Variants in TRIB2 observed in about 807,000 individuals in gnomAD.
TRIB2 encodes tribbles homolog 2.
A neutral mutation model predicts 26.8 loss-of-function variants in TRIB2; 2 were observed. The observed-to-expected ratio is 0.07, with a 90% CI of 0.03 to 0.24. The LOEUF is 0.24. TRIB2 is among the 10% of genes least tolerant of loss of function. The pLI is 1.00. For missense variants in TRIB2, 306 were observed against 449.0 expected, an observed-to-expected ratio of 0.68 and a Z score of 2.88; for synonymous variants, 189 against 187.3, an observed-to-expected ratio of 1.01 and a Z score of -0.08.
chr2:12,734,551 G>GC (rs1205166781), intron 2 of TRIB2, among the ~76,000 whole-genome samples: 1 of 152,072 alleles, frequency 6.6e-6, no homozygotes, highest in Non-Finnish European at 1.5e-5. Flanking sequence ...AGGTGCAAAG[G>GC]TTCATTCTTA....
intron 2 of TRIB2, among the ~76,000 whole-genome samples, chr2:12,739,765 G>A (rs1206720595): frequency 2.0e-5 from 3 of 152,182 alleles, no homozygotes; most frequent in African/African-American, 7.2e-5. Context: ...TCTGAGTCTC[G>A]ATATTCTCAT....
intron 2 of TRIB2, among the ~76,000 whole-genome samples, chr2:12,731,379 C>T (rs1024686865): frequency 6.6e-6 from 1 of 152,238 alleles, no homozygotes; most frequent in Non-Finnish European, 1.5e-5. Flanking sequence ...TCCAACTTGA[C>T]CTGAAGCCCA....
Position 12,723,191 on chromosome 2 carries a change from G to A in TRIB2, c.271-69G>A, listed in dbSNP as rs189300353. On this transcript the variant is annotated intron_variant, in intron 1 of 2. Transcript: ENST00000155926. Reference sequence around the variant, plus strand: ...TCAAAAGCCCATACCTGTGGGAGGTGCAGCATTATGTGTTTTGGTTGTACA... The same window carrying A: ...TCAAAAGCCCATACCTGTGGGAGGTACAGCATTATGTGTTTTGGTTGTACA... 1.8e-5 allele frequency: 28 copies of A among 1,521,768 alleles called. No homozygotes were observed. In the African/African-American group the frequency reaches 3.5e-4, roughly 19 times the overall value. The allele number at this position is 1,521,768 out of a possible 1,614,324, so 94.3% of individuals were successfully genotyped here.
At chr2:12,719,046 A>G (rs989342107) in intron 1 of TRIB2, among the ~76,000 whole-genome samples, 13 of 152,134 alleles carry the variant, frequency 8.5e-5, no homozygotes, top group Non-Finnish European at 1.8e-4. Context: ...GTGCCCTTTA[A>G]AACAGACACA....
At chr2:12,739,803 G>A (rs527560474) in intron 2 of TRIB2, among the ~76,000 whole-genome samples, 1 of 152,182 alleles carries the variant, frequency 6.6e-6, no homozygotes, top group African/African-American at 2.4e-5. Flanking sequence ...AATATCCTAC[G>A]TGTCTAATAC....
At chr2:12,736,594 C>T (rs1290442501) in intron 2 of TRIB2, among the ~76,000 whole-genome samples, 2 of 152,190 alleles carry the variant, frequency 1.3e-5, no homozygotes, top group East Asian at 1.9e-4. Context: ...GTTCCTTTGC[C>T]GGTGAGCGCA....
rs1251544701 is a variant in TRIB2, at chr2:12,721,002, G to C, written c.271-2258G>C. ...CTGAACTGTCACATTACATAACCAA[G>C]GCTCCAAATTAAACATGTAAAGAAG... is the stretch of plus-strand genomic sequence containing the variant. On this transcript the variant is annotated intron_variant, in intron 1 of 2. Coordinates refer to ENST00000155926, the MANE Select transcript of TRIB2 (RefSeq NM_021643.4). 2.6e-5 allele frequency among the ~76,000 whole-genome samples: 4 copies of C among 152,016 alleles called. No individual in the cohort carries two copies. In the East Asian group the frequency reaches 7.7e-4, roughly 29 times the overall value.
intron 2 of TRIB2, among the ~76,000 whole-genome samples, chr2:12,730,419 G>T (rs1362434756): frequency 1.3e-5 from 2 of 152,120 alleles, no homozygotes; most frequent in Non-Finnish European, 2.9e-5. Flanking sequence ...CGTCTCTTAT[G>T]CCCAACCCTG....
rs944943161 is a variant in TRIB2, at chr2:12,741,074, G to A, written c.*280G>A. 8 of 390,606 alleles carry A rather than the reference G, an allele frequency of 2.0e-5. No homozygotes were observed. The highest frequency in any genetic ancestry group is 8.9e-5 in the East Asian group (2 of 22,406). 24.2% of individuals were successfully genotyped at this position (390,606 alleles called of 1,614,324 possible). A position where few individuals can be genotyped will look rare whatever the true frequency, so the allele number is the denominator to read the frequency against. On this transcript the variant is annotated 3_prime_UTR_variant, in exon 3 of 3. Coordinates refer to ENST00000155926, the MANE Select transcript of TRIB2 (RefSeq NM_021643.4). ...ACCCCTTGCCACTTGGGCCACTTCC[G>A]CCTACCCCACTTTTCATTTTGTTCC...
At chr2:12,734,865 CTG>C (rs1661534267) in intron 2 of TRIB2, among the ~76,000 whole-genome samples, 1 of 152,182 alleles carries the variant, frequency 6.6e-6, no homozygotes. Flanking sequence ...AATGCCCAGA[CTG>C]TGAGGGGACA....
chr2:12,724,803 A>G lies in TRIB2; in HGVS notation c.563+1251A>G, dbSNP rs558908100. On this transcript the variant is annotated intron_variant, in intron 2 of 2. Transcript: ENST00000155926. ...CTAAGGTCTTTTCAATTAATAATAA[A>G]TTGGTGTATGTGCTTCTTTGAATAT... 32 of 1,612,464 alleles carry G rather than the reference A, an allele frequency of 2.0e-5. No individual in the cohort carries two copies. The South Asian group carries it at 3.5e-4, about 18-fold the overall frequency.
At chr2:12,719,251 T>G (rs1213857703) in intron 1 of TRIB2, among the ~76,000 whole-genome samples, 1 of 152,164 alleles carries the variant, frequency 6.6e-6, no homozygotes, top group Non-Finnish European at 1.5e-5. Flanking sequence ...CTTCCCTGTC[T>G]GCTCATCCCC....
intron 2 of TRIB2, among the ~76,000 whole-genome samples, chr2:12,736,242 G>T (rs150218671): frequency 6.2e-4 from 94 of 152,238 alleles, no homozygotes; most frequent in Non-Finnish European, 8.8e-4. Context: ...GCACAATCCG[G>T]GTGGGGAGAC....
Position 12,718,269 on chromosome 2 carries a change from C to CG in TRIB2, c.-36dup. ...ACTCGCCAGCGACTCATCTCTCCAGCGGGTTTTTTTTTGTTTGTCGTGTGC... is the reference window on the plus strand; with the variant it reads ...ACTCGCCAGCGACTCATCTCTCCAGCGGGGTTTTTTTTTGTTTGTCGTGTGC... On this transcript the variant is annotated 5_prime_UTR_variant, in exon 1 of 3. Transcript: ENST00000155926. This position sits in a 1 kb window ranked among gnomAD's most constrained non-coding sequence, Gnocchi z 4.0. 1.3e-6 allele frequency: 2 copies of CG among 1,591,026 alleles called. No individual in the cohort carries two copies. The highest frequency in any genetic ancestry group is 1.7e-6 in the Non-Finnish European group (2 of 1,166,970).
Position 12,718,106 on chromosome 2 carries a change from G to C in TRIB2, c.-202G>C. On this transcript the variant is annotated 5_prime_UTR_variant, in exon 1 of 3. Transcript: ENST00000155926. The surrounding 1 kb of genome is among the most constrained non-coding windows in gnomAD (Gnocchi z 4.0). Reference sequence around the variant, plus strand: ...TTGCCTGCCGACCGAGGACCCCCGGGAGCCGGGCTCGGAGCAGACGAGGTA... The same window carrying C: ...TTGCCTGCCGACCGAGGACCCCCGGCAGCCGGGCTCGGAGCAGACGAGGTA... The C allele has an allele frequency of 2.9e-6, 2 of 685,550 alleles. No individual in the cohort carries two copies. Among genetic ancestry groups the C allele is most frequent in the Middle Eastern group, 4.1e-4 (1 of 2,442 alleles). The allele number at this position is 685,550 out of a possible 1,614,324, so 42.5% of individuals were successfully genotyped here.
rs1174002328 is a variant in TRIB2 at position 12,718,899 on chromosome 2, G to A, written c.270+322G>A. Among the ~76,000 whole-genome samples, 1 of 152,058 alleles carries A rather than the reference G, an allele frequency of 6.6e-6. No individual in the cohort carries two copies. Among genetic ancestry groups the A allele is most frequent in the Non-Finnish European group, 1.5e-5 (1 of 68,012 alleles). ...AGGCCGGGTCCCGCTGCCCGGGGGG[G>A]ATTTCTTCCTGTGTCTAGCCCCCTC... On this transcript the variant is annotated intron_variant, in intron 1 of 2. Transcript: ENST00000155926. This position sits in a 1 kb window ranked among gnomAD's most constrained non-coding sequence, Gnocchi z 4.0.
rs1468741066 is a variant in TRIB2, at chr2:12,741,335, A to G, written c.*541A>G. The G allele has an allele frequency of 6.5e-6, 1 of 154,314 alleles. No individual in the cohort carries two copies. Among genetic ancestry groups the G allele is most frequent in the Non-Finnish European group, 1.4e-5 (1 of 69,246 alleles). The allele number at this position is 154,314 out of a possible 1,614,324, so 9.6% of individuals were successfully genotyped here. A position where few individuals can be genotyped will look rare whatever the true frequency, so the allele number is the denominator to read the frequency against. ...CTGGGTGCTACAGTAAAAGAAAACA[A>G]AAGTCCAGTTTGTGTCTCTTAATCG... On this transcript the variant is annotated 3_prime_UTR_variant, in exon 3 of 3. Coordinates refer to ENST00000155926, the MANE Select transcript of TRIB2 (RefSeq NM_021643.4).
At chr2:12,720,681 A>G (rs915277580) in intron 1 of TRIB2, among the ~76,000 whole-genome samples, 3 of 152,210 alleles carry the variant, frequency 2.0e-5, no homozygotes, top group African/African-American at 7.2e-5. Context: ...CTTTGCAAAA[A>G]CAGATCAAAT....
rs1661700551 is a variant in TRIB2 at position 12,741,060 on chromosome 2, C to A, written c.*266C>A. ...TAGCCTGGGAGACCACCCCTTGCCA[C>A]TTGGGCCACTTCCGCCTACCCCACT... On this transcript the variant is annotated 3_prime_UTR_variant, in exon 3 of 3. Transcript: ENST00000155926. The A allele has an allele frequency of 2.3e-6, 1 of 433,982 alleles. No individual in the cohort carries two copies. Among genetic ancestry groups the A allele is most frequent in the Non-Finnish European group, 4.1e-6 (1 of 241,732 alleles). The allele number at this position is 433,982 out of a possible 1,614,324, so 26.9% of individuals were successfully genotyped here.
Sources: allele counts gnomAD v4.1 joint callset (sites outside exome capture counted in the v4.1 genomes callset), GRCh38; gene constraint gnomAD v4.1.1; non-coding constraint Gnocchi (gnomAD v3.1); transcripts MANE v1.5; gene names NCBI Gene and HGNC (gene_info 2026-07-23, HGNC 2026-07-21).